Variants in CEP290 observed in about 807,000 individuals in gnomAD.
The protein encoded by CEP290 is centrosomal protein 290.
In CEP290, 317 loss-of-function variants were observed where a neutral mutation model predicts 344.9. The observed-to-expected ratio is 0.92, with a 90% CI of 0.84 to 1.01. The LOEUF is 1.01. Ranked by LOEUF, CEP290 falls within the 50% of genes least tolerant of loss-of-function variation. CEP290 has a pLI of 0.00. For synonymous variants in CEP290, 932 were observed against 895.8 expected (o/e 1.04, Z -0.72); for missense variants, 2,754 against 2,761.4 (o/e 1.00, Z 0.06).
Position 88,049,161 on chromosome 12 carries a change from G to GAAAC in CEP290, c.*19_*22dup. ...TTATAAAGTTAATAAATAGTTAAAT[G>GAAAC]AAACAAAGTTTATAGGTGACCTTTA... is the stretch of plus-strand genomic sequence containing the variant. On this transcript the variant is annotated 3_prime_UTR_variant, in exon 54 of 54. Coordinates refer to ENST00000552810, the MANE Select transcript of CEP290 (RefSeq NM_025114.4). The GAAAC allele has an allele frequency of 7.1e-7, 1 of 1,412,104 alleles. No homozygotes were observed. Among genetic ancestry groups the GAAAC allele is most frequent in the Non-Finnish European group, 9.7e-7 (1 of 1,025,800 alleles). 87.5% of individuals were successfully genotyped at this position (1,412,104 alleles called of 1,614,324 possible).
At position 88,131,156 on chromosome 12, in the gene CEP290, A is replaced by C. The variant is rs2138113170; in HGVS notation, c.495+9T>G. 4.6e-6 allele frequency: 7 copies of C among 1,511,228 alleles called. No individual in the cohort carries two copies. Among genetic ancestry groups the C allele is most frequent in the Non-Finnish European group, 6.2e-6 (7 of 1,135,310 alleles). 93.6% of individuals were successfully genotyped at this position (1,511,228 alleles called of 1,614,324 possible). On this transcript the variant is annotated intron_variant, in intron 7 of 53. Coordinates refer to ENST00000552810, the MANE Select transcript of CEP290 (RefSeq NM_025114.4). ...TTGTTGAACCACCACAACTACTAAAATTTTTTACCTCTCTTCTTAATTTGC... is the reference window on the plus strand; with the variant it reads ...TTGTTGAACCACCACAACTACTAAACTTTTTTACCTCTCTTCTTAATTTGC...
At chr12:88,060,341 C>T (rs1269385944) in intron 47 of CEP290, among the ~76,000 whole-genome samples, 2 of 152,152 alleles carry the variant, frequency 1.3e-5, no homozygotes, top group African/African-American at 4.8e-5. Flanking sequence ...GGGCGGATCA[C>T]GAGGTCAGGA....
chr12:88,085,891 T>C, intron 34 of CEP290, 148 bp downstream of exon 34: 1 of 707,970 alleles, frequency 1.4e-6, no homozygotes, highest in South Asian at 2.6e-5. Context: ...TTATTGGCTA[T>C]TAGAAACATT....
intron 52 of CEP290, 149 bp from the exon 53 acceptor site, chr12:88,050,582 G>T: frequency 2.0e-6 from 1 of 511,518 alleles, no homozygotes; most frequent in Non-Finnish European, 3.4e-6. Flanking sequence ...ACTTCAGGAT[G>T]TAAACACTTA....
intron 5 of CEP290, among the ~76,000 whole-genome samples, chr12:88,138,243 T>A (rs2040449652): frequency 6.6e-6 from 1 of 152,176 alleles, no homozygotes; most frequent in Non-Finnish European, 1.5e-5. Context: ...AGTTAAGACT[T>A]CATAATCATC....
chr12:88,088,967 C>T (rs2036803315), intron 31 of CEP290, 65 bp downstream of exon 31: 4 of 1,223,446 alleles, frequency 3.3e-6, no homozygotes, highest in Non-Finnish European at 4.5e-6. Context: ...CACCACTGAA[C>T]TCCAGCCTGG....
At position 88,141,357 on chromosome 12, in the gene CEP290, T is replaced by C. The variant is rs545713170; in HGVS notation, c.-27-23A>G. 40 of 1,247,190 alleles carry C rather than the reference T, an allele frequency of 3.2e-5. No individual in the cohort carries two copies. In the East Asian group the frequency reaches 7.2e-4, roughly 22 times the overall value. The allele number at this position is 1,247,190 out of a possible 1,614,324, so 77.3% of individuals were successfully genotyped here. A position where few individuals can be genotyped will look rare whatever the true frequency, so the allele number is the denominator to read the frequency against. On this transcript the variant is annotated intron_variant, in intron 1 of 53. Coordinates refer to ENST00000552810, the MANE Select transcript of CEP290 (RefSeq NM_025114.4). ...CCTCTGTAACAAAACAGGTGTATAT[T>C]AGCATTTTCAAGGTACACAGTATTA...
rs2037219976 is a variant in CEP290, at chr12:88,093,764, T to C, written c.3309+6A>G. On this transcript the variant is annotated splice_donor_region_variant and intron_variant, in intron 28 of 53. Transcript: ENST00000552810. ...TAATTGTATGATAAAACTTATAATA[T>C]CAAACCTCAGCAAATTTGGTTTCCA... 6.3e-7 allele frequency: 1 copy of C among 1,587,620 alleles called. No individual in the cohort carries two copies. Among genetic ancestry groups the C allele is most frequent in the Non-Finnish European group, 8.6e-7 (1 of 1,163,330 alleles).
intron 31 of CEP290, 78 bp from the exon 32 acceptor site, chr12:88,088,022 T>C (rs918251751): frequency 5.5e-5 from 28 of 508,380 alleles, no homozygotes; most frequent in Non-Finnish European, 7.9e-5. Context: ...ATAATGATTT[T>C]AATTGAAAGT....
intron 6 of CEP290, 114 bp downstream of exon 6, chr12:88,136,529 G>T (rs1010973490): frequency 5.0e-5 from 52 of 1,030,200 alleles, no homozygotes; most frequent in Non-Finnish European, 7.2e-5. Context: ...AGAGATAAGT[G>T]TACATCATTT....
At chr12:88,075,843 C>A (rs2035730803) in intron 41 of CEP290, among the ~76,000 whole-genome samples, 1 of 152,134 alleles carries the variant, frequency 6.6e-6, no homozygotes, top group Non-Finnish European at 1.5e-5. Context: ...GTAGTAATAT[C>A]TTATACTGCT....
In CEP290 at chr12:88,060,855, A is replaced by G. The variant is rs1242760376; in HGVS notation, c.6497T>C (p.Ile2166Thr). 4 of 1,543,006 alleles carry G rather than the reference A, an allele frequency of 2.6e-6. No homozygotes were observed. The highest frequency in any genetic ancestry group is 4.8e-5 in the East Asian group (2 of 41,714). Residue 2166 changes from isoleucine to threonine, a missense_variant, in exon 47 of 54, where the codon ATT (isoleucine) becomes ACT (threonine). Transcript: ENST00000552810. ...GILTSEKMAN[I>T]EQENEKLKAE... is the part of the protein sequence containing the mutation. ...CTTCAATTTTTCATTTTCCTGCTCA[A>G]TATTAGCCATTTTTTCACTAGTCAA...
chr12:88,078,533 G>T (rs2137071849), intron 39 of CEP290, among the ~76,000 whole-genome samples: 1 of 152,142 alleles, frequency 6.6e-6, no homozygotes, highest in Non-Finnish European at 1.5e-5. Flanking sequence ...AAGGAATGAA[G>T]AAGAGAGGCA....
Position 88,126,304 on chromosome 12 carries a change from T to C in CEP290, c.1065+12A>G. On this transcript the variant is annotated intron_variant, in intron 12 of 53. Transcript: ENST00000552810. ...AAACTGGTTGATAAACAAAATTCTG[T>C]TAAGATTTTACCTGCTGTAGAGCCA... 4.2e-6 allele frequency: 6 copies of C among 1,438,202 alleles called. No homozygotes were observed. Among genetic ancestry groups the C allele is most frequent in the Non-Finnish European group, 5.4e-6 (6 of 1,101,382 alleles). The allele number at this position is 1,438,202 out of a possible 1,614,324, so 89.1% of individuals were successfully genotyped here. A position where few individuals can be genotyped will look rare whatever the true frequency, so the allele number is the denominator to read the frequency against.
Position 88,142,046 on chromosome 12 carries a change from G to A in CEP290, c.-174C>T, listed in dbSNP as rs2040710730. 1 of 152,494 alleles carries A rather than the reference G, an allele frequency of 6.6e-6. No homozygotes were observed. The highest frequency in any genetic ancestry group is 1.5e-5 in the Non-Finnish European group (1 of 68,286). 9.4% of individuals were successfully genotyped at this position (152,494 alleles called of 1,614,324 possible). A position where few individuals can be genotyped will look rare whatever the true frequency, so the allele number is the denominator to read the frequency against. ...GTCCCGAGCAAGCCAAAGCGGCAGC[G>A]GCTGCTAGGCGACACCATCCCCAAC... On this transcript the variant is annotated 5_prime_UTR_variant, in exon 1 of 54. Transcript: ENST00000552810.
chr12:88,070,089 T>A (rs765997157), intron 43 of CEP290, among the ~76,000 whole-genome samples: 6 of 152,176 alleles, frequency 3.9e-5, no homozygotes, highest in Non-Finnish European at 8.8e-5. Context: ...AAAGAGATTG[T>A]AAAGCACACA....
chr12:88,079,057 GA>G (rs748076052), intron 39 of CEP290, 34 bp downstream of exon 39: 892 of 1,500,200 alleles, frequency 5.9e-4, no homozygotes, highest in Non-Finnish European at 7.7e-4. Context: ...GGAATTATCA[GA>G]AATTTTGTTA....
chr12:88,124,588 A>G (rs1028894403), intron 13 of CEP290, among the ~76,000 whole-genome samples: 5 of 151,086 alleles, frequency 3.3e-5, no homozygotes, highest in Admixed American at 2.7e-4. Context: ...GTATATATGT[A>G]TATATATATG....
chr12:88,091,669 A>T (rs1321495084), intron 29 of CEP290, among the ~76,000 whole-genome samples: 2 of 152,214 alleles, frequency 1.3e-5, no homozygotes, highest in East Asian at 3.9e-4. Flanking sequence ...GAAAGGATCA[A>T]TTTTTTTAAA....
Sources: gnomAD v4.1 joint callset for allele counts (sites outside exome capture counted in the v4.1 genomes callset) on GRCh38, gnomAD v4.1.1 for gene constraint, MANE v1.5 for transcripts, NCBI Gene and HGNC (gene_info 2026-07-23, HGNC 2026-07-21) for gene names.